Variants in IGLON5 observed in about 807,000 individuals in gnomAD.
The protein encoded by IGLON5 is Ig-like domain-containing protein ENSP00000270642.
IGLON5 carries 16 observed loss-of-function variants against 38.2 expected under a neutral mutation model. That is an observed-to-expected ratio of 0.42 (90% confidence interval 0.28 to 0.64). The LOEUF is 0.64. Ranked by LOEUF, IGLON5 falls within the 30% of genes least tolerant of loss-of-function variation. IGLON5 has a pLI of 0.23. For missense variants in IGLON5, 366 were observed against 483.4 expected (o/e 0.76, Z 2.28); for synonymous variants, 207 against 216.4 (o/e 0.96, Z 0.38).
Position 51,329,010 on chromosome 19 carries a change from C to A in IGLON5, c.*251C>A. 1 of 420,752 alleles carries A rather than the reference C, an allele frequency of 2.4e-6. No homozygotes were observed. The highest frequency in any genetic ancestry group is 4.3e-6 in the Non-Finnish European group (1 of 233,172). 26.1% of individuals were successfully genotyped at this position (420,752 alleles called of 1,614,324 possible). A position where few individuals can be genotyped will look rare whatever the true frequency, so the allele number is the denominator to read the frequency against. ...CCCGTTCACGTTTCCGATTGTGACC[C>A]ACTCCCGCCACCCCATACCCCTCTC... On this transcript the variant is annotated 3_prime_UTR_variant, in exon 8 of 8. Transcript: ENST00000270642. This position sits in a 1 kb window ranked among gnomAD's most constrained non-coding sequence, Gnocchi z 4.3.
In IGLON5 at chr19:51,327,974, G is replaced by A; in HGVS notation, c.922+88G>A. On this transcript the variant is annotated intron_variant, in intron 7 of 7. Transcript: ENST00000270642. This position sits in a 1 kb window ranked among gnomAD's most constrained non-coding sequence, Gnocchi z 7.1. ...TGGAGACGCCGGGACCGCCCTTCAG[G>A]CTGGCCCTGAACTTAGGAGATGGAC... 7.3e-7 allele frequency: 1 copy of A among 1,364,242 alleles called. No individual in the cohort carries two copies. The highest frequency in any genetic ancestry group is 9.6e-7 in the Non-Finnish European group (1 of 1,037,770). 84.5% of individuals were successfully genotyped at this position (1,364,242 alleles called of 1,614,324 possible). A position where few individuals can be genotyped will look rare whatever the true frequency, so the allele number is the denominator to read the frequency against.
chr19:51,323,561 C>T, intron 2 of IGLON5, 101 bp from the exon 3 acceptor site: 2 of 924,744 alleles, frequency 2.2e-6, no homozygotes, highest in Non-Finnish European at 3.3e-6. Context: ...TGTGGTGGGA[C>T]CTGGAGATGC....
In IGLON5 at chr19:51,314,277, G is replaced by A. The variant is rs181348023; in HGVS notation, c.79+2351G>A. Among the ~76,000 whole-genome samples the A allele has an allele frequency of 2.1e-3, 323 of 150,592 alleles. 2 individuals are homozygous for A. The highest frequency in any genetic ancestry group is 7.2e-3 in the African/African-American group (296 of 40,838). ...CAGCTCACTGCAACCTCTGCCTCCC[G>A]GGTTCAAGTGATTCTCCTGCCTCAG... On this transcript the variant is annotated intron_variant, in intron 1 of 7. Transcript: ENST00000270642.
At position 51,325,531 on chromosome 19, in the gene IGLON5, C is replaced by T; in HGVS notation, c.511+66C>T. 6.7e-7 allele frequency: 1 copy of T among 1,486,564 alleles called. No homozygotes were observed. The highest frequency in any genetic ancestry group is 9.0e-7 in the Non-Finnish European group (1 of 1,110,624). 92.1% of individuals were successfully genotyped at this position (1,486,564 alleles called of 1,614,324 possible). A position where few individuals can be genotyped will look rare whatever the true frequency, so the allele number is the denominator to read the frequency against. ...GCGCAGTCTGGGCCCCTCCATTCCC[C>T]ATATCCCTAGCTAGTTTCCCCAGCC... On this transcript the variant is annotated intron_variant, in intron 4 of 7. Transcript: ENST00000270642. This position sits in a 1 kb window ranked among gnomAD's most constrained non-coding sequence, Gnocchi z 5.5.
At chr19:51,317,976 A>G (rs1984962607) in intron 1 of IGLON5, among the ~76,000 whole-genome samples, 1 of 152,150 alleles carries the variant, frequency 6.6e-6, no homozygotes, top group Non-Finnish European at 1.5e-5. Context: ...AGGACCATCC[A>G]TGCCCTTTCC....
chr19:51,320,897 G>C (rs1286425463), intron 1 of IGLON5, among the ~76,000 whole-genome samples: 1 of 152,108 alleles, frequency 6.6e-6, no homozygotes, highest in East Asian at 1.9e-4. Context: ...ATATATTTGT[G>C]TGTATTCACG....
intron 3 of IGLON5, 62 bp downstream of exon 3, chr19:51,323,956 T>C: frequency 8.8e-7 from 1 of 1,130,322 alleles, no homozygotes; most frequent in Non-Finnish European, 1.3e-6. Context: ...AGACTAGGCA[T>C]GATGACAGAT....
Position 51,325,443 on chromosome 19 carries a change from G to A in IGLON5, c.489G>A (p.Thr163=), listed in dbSNP as rs372670295. ...TGGCCGTGGGGCGGCCAGAGCCCACGGTCACCTGGAGACAGCTCCGAGGTG... is the reference window on the plus strand; with the variant it reads ...TGGCCGTGGGGCGGCCAGAGCCCACAGTCACCTGGAGACAGCTCCGAGGTG... ...LCLAVGRPEP[T]VTWRQLRDGF... Residue 163 remains threonine (T), a synonymous_variant, in exon 4 of 8, where the codon ACG becomes ACA. Transcript: ENST00000270642. The surrounding 1 kb of genome is among the most constrained non-coding windows in gnomAD (Gnocchi z 5.5). 35 of 1,613,330 alleles carry A rather than the reference G, an allele frequency of 2.2e-5. No individual in the cohort carries two copies. The highest frequency in any genetic ancestry group is 7.7e-5 in the South Asian group (7 of 91,028).
intron 2 of IGLON5, 141 bp downstream of exon 2, chr19:51,322,283 A>C (rs1985080207): frequency 1.4e-6 from 1 of 696,366 alleles, no homozygotes; most frequent in African/African-American, 1.7e-5. Flanking sequence ...CAGTAGCGAC[A>C]CAGCTATGAG....
rs1221829001 is a variant in IGLON5, at chr19:51,324,542, C to G, written c.391+648C>G. On this transcript the variant is annotated intron_variant, in intron 3 of 7. Coordinates refer to ENST00000270642, the MANE Select transcript of IGLON5 (RefSeq NM_001101372.3). This position sits in a 1 kb window ranked among gnomAD's most constrained non-coding sequence, Gnocchi z 4.2. Reference sequence around the variant, plus strand: ...AGGGGGATCCTGGCAAGCTCCAACTCTGGAGCCAGACTGCCTGGGTTCCAA... The same window carrying G: ...AGGGGGATCCTGGCAAGCTCCAACTGTGGAGCCAGACTGCCTGGGTTCCAA... Among the ~76,000 whole-genome samples, 1 of 152,132 alleles carries G rather than the reference C, an allele frequency of 6.6e-6. No individual in the cohort carries two copies. The highest frequency in any genetic ancestry group is 2.4e-5 in the African/African-American group (1 of 41,424).
rs1183470333 is a variant in IGLON5, at chr19:51,323,817, G to A, written c.314G>A (p.Gly105Asp). 1.2e-6 allele frequency: 2 copies of A among 1,613,318 alleles called. No homozygotes were observed. The highest frequency in any genetic ancestry group is 2.7e-5 in the African/African-American group (2 of 74,876). ...ATCCTCATCACCGAGGTGGGGCTCG[G>A]CGACGAGGGCCTCTACACCTGCTCC... ...FSILITEVGL[G>D]DEGLYTCSFQ... The change falls in exon 3 of 8, where the codon GGC becomes GAC. Residue 105 changes from glycine (G) to aspartate (D), a missense_variant. By Grantham distance (94) the Gly-to-Asp change is moderately conservative. Coordinates refer to ENST00000270642, the MANE Select transcript of IGLON5 (RefSeq NM_001101372.3).
chr19:51,325,511 G>A lies in IGLON5; in HGVS notation c.511+46G>A, dbSNP rs757859201. On this transcript the variant is annotated intron_variant, in intron 4 of 7. Coordinates refer to ENST00000270642, the MANE Select transcript of IGLON5 (RefSeq NM_001101372.3). The surrounding 1 kb of genome is among the most constrained non-coding windows in gnomAD (Gnocchi z 5.5). ...CAAAAGCCCCGTCCCCCACTGCGCA[G>A]TCTGGGCCCCTCCATTCCCCATATC... 1 of 1,549,184 alleles carries A rather than the reference G, an allele frequency of 6.5e-7. No homozygotes were observed.
intron 2 of IGLON5, 91 bp from the exon 3 acceptor site, chr19:51,323,571 C>G: frequency 9.8e-7 from 1 of 1,020,582 alleles, no homozygotes; most frequent in Non-Finnish European, 1.5e-6. Context: ...CCTGGAGATG[C>G]GGTGGCCTCC....
Position 51,323,683 on chromosome 19 carries a change from G to C in IGLON5, c.180G>C (p.Val60=). Residue 60 remains valine, a synonymous_variant, in exon 3 of 8, where the codon GTG becomes GTC. Transcript: ENST00000270642. ...GCAGCTGCTTCATCGACGAGCACGTGACCCGCGTGGCCTGGCTGAACCGCT... is the reference window on the plus strand; with the variant it reads ...GCAGCTGCTTCATCGACGAGCACGTCACCCGCGTGGCCTGGCTGAACCGCT... The part of the protein sequence containing the change: ...ATLSCFIDEH[V]TRVAWLNRSN... 1 of 1,612,308 alleles carries C rather than the reference G, an allele frequency of 6.2e-7. No individual in the cohort carries two copies. Among genetic ancestry groups the C allele is most frequent in the Non-Finnish European group, 8.5e-7 (1 of 1,178,598 alleles).
Position 51,325,499 on chromosome 19 carries a change from C to T in IGLON5, c.511+34C>T. On this transcript the variant is annotated intron_variant, in intron 4 of 7. Transcript: ENST00000270642. This position sits in a 1 kb window ranked among gnomAD's most constrained non-coding sequence, Gnocchi z 5.5. ...CCCATCCCAGGTCAAAAGCCCCGTC[C>T]CCCACTGCGCAGTCTGGGCCCCTCC... is the stretch of plus-strand genomic sequence containing the variant. 6.3e-7 allele frequency: 1 copy of T among 1,581,318 alleles called. No homozygotes were observed. Among genetic ancestry groups the T allele is most frequent in the Non-Finnish European group, 8.6e-7 (1 of 1,163,494 alleles).
intron 1 of IGLON5, among the ~76,000 whole-genome samples, chr19:51,316,996 G>C (rs1053151718): frequency 2.3e-5 from 3 of 131,402 alleles, no homozygotes; most frequent in African/African-American, 8.1e-5. Flanking sequence ...TGTGGAATCA[G>C]AGTATCACCC....
Position 51,325,554 on chromosome 19 carries a change from GC to G in IGLON5, c.511+94del, listed in dbSNP as rs1568459352. On this transcript the variant is annotated intron_variant, in intron 4 of 7. Transcript: ENST00000270642. This position sits in a 1 kb window ranked among gnomAD's most constrained non-coding sequence, Gnocchi z 5.5. ...CCCATATCCCTAGCTAGTTTCCCCAGCCCCCTTCTCCCTGGCCCCTTGGCTT... is the reference window on the plus strand; with the variant it reads ...CCCATATCCCTAGCTAGTTTCCCCAGCCCCTTCTCCCTGGCCCCTTGGCTT... 4.4e-6 allele frequency: 6 copies of G among 1,374,602 alleles called. No individual in the cohort carries two copies. The highest frequency in any genetic ancestry group is 3.9e-6 in the Non-Finnish European group (4 of 1,031,072). The allele number at this position is 1,374,602 out of a possible 1,614,324, so 85.2% of individuals were successfully genotyped here.
At chr19:51,312,938 C>T (rs1599821065) in intron 1 of IGLON5, among the ~76,000 whole-genome samples, 1 of 151,994 alleles carries the variant, frequency 6.6e-6, no homozygotes, top group Non-Finnish European at 1.5e-5. Context: ...GGTGGGCGCT[C>T]AGGAGGGCAG....
chr19:51,314,936 G>A (rs563859081), intron 1 of IGLON5, among the ~76,000 whole-genome samples: 1 of 152,206 alleles, frequency 6.6e-6, no homozygotes, highest in South Asian at 2.1e-4. Context: ...TGCAGACTTA[G>A]ACACGACACA....
Sources: allele counts gnomAD v4.1 joint callset (sites outside exome capture counted in the v4.1 genomes callset), GRCh38; gene constraint gnomAD v4.1.1; non-coding constraint Gnocchi (gnomAD v3.1); transcripts MANE v1.5; gene names NCBI Gene and HGNC (gene_info 2026-07-23, HGNC 2026-07-21).